MIDEAS: variants seen among roughly 807,000 people sequenced by gnomAD.
The protein encoded by MIDEAS is mitotic deacetylase-associated SANT domain protein.
In MIDEAS, 26 loss-of-function variants were observed where a neutral mutation model predicts 102.7. The ratio of observed to expected loss-of-function variants is 0.25; its 90% CI spans 0.19 to 0.35. The LOEUF is 0.35. Among genes scored for constraint, MIDEAS ranks in the 10% least tolerant of loss-of-function variants. MIDEAS has a pLI of 1.00. For synonymous variants in MIDEAS, 585 were observed against 591.0 expected, an observed-to-expected ratio of 0.99 and a Z score of 0.15; for missense variants, 1,231 against 1,435.6, an observed-to-expected ratio of 0.86 and a Z score of 2.30.
chr14:73,770,082 T>G (rs2053629281), intron 1 of MIDEAS, among the ~76,000 whole-genome samples: 1 of 151,978 alleles, frequency 6.6e-6, no homozygotes, highest in Non-Finnish European at 1.5e-5. Flanking sequence ...AGCACCTGTA[T>G]ATAGAGCCCA....
At chr14:73,789,602 A>G (rs2053850023), upstream of MIDEAS, among the ~76,000 whole-genome samples, 1 of 152,212 alleles carries the variant, frequency 6.6e-6, no homozygotes, top group Admixed American at 6.5e-5. Flanking sequence ...AGACCAGTAG[A>G]GAATCATTGG....
intron 1 of MIDEAS, among the ~76,000 whole-genome samples, chr14:73,772,162 C>A (rs1262619150): frequency 6.6e-6 from 1 of 152,230 alleles, no homozygotes; most frequent in Non-Finnish European, 1.5e-5. Flanking sequence ...GCATGCAGTG[C>A]CGGTAGCTGA....
intron 10 of MIDEAS, among the ~76,000 whole-genome samples, chr14:73,721,780 G>A (rs947222413): frequency 3.3e-5 from 5 of 152,128 alleles, no homozygotes; most frequent in Non-Finnish European, 7.4e-5. Flanking sequence ...CCATCCTCCT[G>A]GACAGATGAC....
chr14:73,779,539 AT>A (rs113477317), intron 1 of MIDEAS, among the ~76,000 whole-genome samples: 10,564 of 139,282 alleles, frequency 0.076, 1,001 homozygotes, highest in African/African-American at 0.22. Context: ...ACATTCTTTT[AT>A]TTTTTTTTAA....
intron 1 of MIDEAS, among the ~76,000 whole-genome samples, chr14:73,781,116 A>G (rs1431441130): frequency 6.6e-6 from 1 of 152,034 alleles, no homozygotes; most frequent in Non-Finnish European, 1.5e-5. Flanking sequence ...TTTGTGCCTG[A>G]CTCTTCCATT....
intron 11 of MIDEAS, 126 bp downstream of exon 11, chr14:73,721,171 C>G: frequency 1.1e-6 from 1 of 889,668 alleles, no homozygotes; most frequent in Non-Finnish European, 1.8e-6. Flanking sequence ...GCACAAAGTA[C>G]TTCACACATT....
At chr14:73,751,897 T>C (rs1045206857) in intron 1 of MIDEAS, among the ~76,000 whole-genome samples, 3 of 151,934 alleles carry the variant, frequency 2.0e-5, no homozygotes, top group Non-Finnish European at 4.4e-5. Context: ...CAAAACTCTG[T>C]CTCAAAAAAA....
intron 1 of MIDEAS, among the ~76,000 whole-genome samples, chr14:73,770,230 T>C (rs2140167230): frequency 1.3e-5 from 2 of 152,296 alleles, no homozygotes; most frequent in Middle Eastern, 6.8e-3. Flanking sequence ...CAGGTGAACT[T>C]ATAAGCTGTG....
At position 73,739,716 on chromosome 14, in the gene MIDEAS, G is replaced by A; in HGVS notation, c.293C>T (p.Pro98Leu). 6.2e-7 allele frequency: 1 copy of A among 1,613,938 alleles called. No individual in the cohort carries two copies. Among genetic ancestry groups the A allele is most frequent in the African/African-American group, 1.3e-5 (1 of 75,050 alleles). The change falls in exon 2 of 13, where the codon CCC becomes CTC. Residue 98 changes from proline to leucine, a missense_variant. By Grantham distance (98) the Pro-to-Leu change is moderately conservative (BLOSUM62 -3). Coordinates refer to ENST00000423556, the MANE Select transcript of MIDEAS (RefSeq NM_001367710.1). ...LSQQVASVKWPNSVMAPGRGP... is the reference protein window; with the variant it reads ...LSQQVASVKWLNSVMAPGRGP... Reference sequence around the variant, plus strand: ...CCGCCCTGGAGCCATCACAGAGTTGGGCCACTTTACTGAGGCCACCTGCTG... The same window carrying A: ...CCGCCCTGGAGCCATCACAGAGTTGAGCCACTTTACTGAGGCCACCTGCTG...
chr14:73,740,118 A>T lies in MIDEAS; in HGVS notation c.-110T>A. 7.3e-7 allele frequency: 1 copy of T among 1,362,234 alleles called. No individual in the cohort carries two copies. Among genetic ancestry groups the T allele is most frequent in the Non-Finnish European group, 9.5e-7 (1 of 1,050,848 alleles). The allele number at this position is 1,362,234 out of a possible 1,614,324, so 84.4% of individuals were successfully genotyped here. On this transcript the variant is annotated 5_prime_UTR_variant, in exon 2 of 13. Transcript: ENST00000423556. ...CTAGTCCAGGAGCCAGGGAGGGCAG[A>T]GCAGGGGCAGAGGAAGACGCTGGAC...
intron 1 of MIDEAS, among the ~76,000 whole-genome samples, chr14:73,781,169 G>A (rs1039745441): frequency 6.6e-6 from 1 of 152,152 alleles, no homozygotes; most frequent in Non-Finnish European, 1.5e-5. Context: ...TCCTCTCTAA[G>A]CCTCAGTTAA....
chr14:73,776,821 C>T (rs1255574114), intron 1 of MIDEAS, among the ~76,000 whole-genome samples: 1 of 151,924 alleles, frequency 6.6e-6, no homozygotes. Flanking sequence ...GCCTGTAACC[C>T]CTGCACTTTG....
rs1217659174 is a variant in MIDEAS, at chr14:73,718,907, G to A, written c.3236C>T (p.Ala1079Val). 1 of 1,522,932 alleles carries A rather than the reference G, an allele frequency of 6.6e-7. No individual in the cohort carries two copies. Among genetic ancestry groups the A allele is most frequent in the Admixed American group, 2.1e-5 (1 of 48,030 alleles). 94.3% of individuals were successfully genotyped at this position (1,522,932 alleles called of 1,614,324 possible). The change falls in exon 13 of 13, where the codon GCT becomes GTT. Residue 1079 changes from alanine to valine, a missense_variant. Ala to Val is a moderately conservative substitution (Grantham distance 64). This residue lies in a region of MIDEAS where 71 missense variants were observed against 51.9 expected (regional missense o/e 1.37). Transcript: ENST00000423556. Reference sequence around the variant, plus strand: ...CTGCTGGTGGGCGGCGGCGGCGGCAGCAGCGGCCTCTTTCTCCTTCAGCCT... The same window carrying A: ...CTGCTGGTGGGCGGCGGCGGCGGCAACAGCGGCCTCTTTCTCCTTCAGCCT... ...ALRLKEKEAA[A>V]AAAAAHQQAL...
rs960942106 is a variant in MIDEAS at position 73,717,282 on chromosome 14, A to G, written c.*1561T>C. 2.0e-5 allele frequency: 3 copies of G among 152,236 alleles called. No homozygotes were observed. Among genetic ancestry groups the G allele is most frequent in the Admixed American group, 6.5e-5 (1 of 15,284 alleles). 9.4% of individuals were successfully genotyped at this position (152,236 alleles called of 1,614,324 possible). A position where few individuals can be genotyped will look rare whatever the true frequency, so the allele number is the denominator to read the frequency against. ...ATTTCTTTTGCACAACTAAAGTTGA[A>G]TAAGATCAGAAAAATAGCTGAGCCC... On this transcript the variant is annotated 3_prime_UTR_variant, in exon 13 of 13. Transcript: ENST00000423556.
intron 9 of MIDEAS, chr14:73,723,319 T>TA (rs913570765): frequency 6.5e-6 from 1 of 154,372 alleles, no homozygotes; most frequent in African/African-American, 2.4e-5. Flanking sequence ...TAGTTTTTTT[T>TA]AAATATTTTT....
intron 1 of MIDEAS, among the ~76,000 whole-genome samples, chr14:73,768,112 AT>A (rs1442496010): frequency 6.6e-6 from 1 of 152,170 alleles, no homozygotes; most frequent in Non-Finnish European, 1.5e-5. Flanking sequence ...GTGAGACGAG[AT>A]CACACCGCCG....
intron 1 of MIDEAS, among the ~76,000 whole-genome samples, chr14:73,766,302 C>G (rs947314523): frequency 6.6e-6 from 1 of 152,234 alleles, no homozygotes; most frequent in Non-Finnish European, 1.5e-5. Flanking sequence ...TCCCTGGTAG[C>G]TATACAGTGC....
chr14:73,737,377 A>T, intron 2 of MIDEAS, 80 bp from the exon 3 acceptor site: 1 of 1,441,332 alleles, frequency 6.9e-7, no homozygotes, highest in Non-Finnish European at 9.4e-7. Flanking sequence ...TAATTCCTGC[A>T]CTTTGGGAGG....
rs761310707 is a variant in MIDEAS at position 73,722,741 on chromosome 14, CT to C, written c.2680del (p.Ser894AlafsTer42). 6.2e-7 allele frequency: 1 copy of C among 1,614,184 alleles called. No individual in the cohort carries two copies. The highest frequency in any genetic ancestry group is 1.7e-5 in the Admixed American group (1 of 60,020). The stretch of plus-strand genomic sequence containing the variant: ...CTCTTCCTGGGCCGACTTCTCATCG[CT>C]CGTATCCACATCCCCAAAGGTTAGA... The part of the protein sequence containing the change: ...GTLTFGDVDT[S>X]DEKSAQEEVE... On this transcript the variant is annotated frameshift_variant, in exon 10 of 13. Coordinates refer to ENST00000423556, the MANE Select transcript of MIDEAS (RefSeq NM_001367710.1). LOFTEE classifies it high-confidence loss of function.
Sources: allele counts gnomAD v4.1 joint callset (sites outside exome capture counted in the v4.1 genomes callset), GRCh38; gene constraint gnomAD v4.1.1; regional missense constraint gnomAD v4.1.1; transcripts MANE v1.5; gene names NCBI Gene and HGNC (gene_info 2026-07-23, HGNC 2026-07-21).